Variants in ARAP1 observed in about 807,000 individuals in gnomAD.
ARAP1 encodes the protein arf-GAP with Rho-GAP domain, ANK repeat and PH domain-containing protein 1.
A neutral mutation model predicts 172.2 loss-of-function variants in ARAP1; 76 were observed. The observed-to-expected ratio is 0.44, with a 90% CI of 0.37 to 0.53. ARAP1 has a LOEUF of 0.53. Among genes scored for constraint, ARAP1 ranks in the 20% least tolerant of loss-of-function variants. ARAP1 has a pLI of 0.00. For missense variants in ARAP1, 1,686 were observed against 1,977.5 expected, an observed-to-expected ratio of 0.85 and a Z score of 2.80; for synonymous variants, 804 against 803.3, an observed-to-expected ratio of 1.00 and a Z score of -0.01.
chr11:72,722,575 G>A (rs747773670), intron 3 of ARAP1, among the ~76,000 whole-genome samples: 1 of 152,222 alleles, frequency 6.6e-6, no homozygotes, highest in African/African-American at 2.4e-5. Context: ...TCTGAAGGGC[G>A]CAAGTTCTGC....
chr11:72,710,243 G>A lies in ARAP1; in HGVS notation c.1416+142C>T. On this transcript the variant is annotated intron_variant, in intron 10 of 34. Transcript: ENST00000393609. This position sits in a 1 kb window ranked among gnomAD's most constrained non-coding sequence, Gnocchi z 4.3. Reference sequence around the variant, plus strand: ...CCTGGGGGAAGTGGTCAGAACTTGGGGGAGCGAGGACATATCCAGGCAAAG... The same window carrying A: ...CCTGGGGGAAGTGGTCAGAACTTGGAGGAGCGAGGACATATCCAGGCAAAG... 1 of 1,079,924 alleles carries A rather than the reference G, an allele frequency of 9.3e-7. No homozygotes were observed. Among genetic ancestry groups the A allele is most frequent in the Non-Finnish European group, 1.4e-6 (1 of 727,704 alleles). The allele number at this position is 1,079,924 out of a possible 1,614,324, so 66.9% of individuals were successfully genotyped here.
Position 72,694,987 on chromosome 11 carries a change from C to G in ARAP1, c.3687G>C (p.Glu1229Asp). The change falls in exon 27 of 35, where the codon GAG (glutamate) becomes GAC (aspartate). Residue 1229 changes from glutamate (E) to aspartate (D), a missense_variant. By Grantham distance (45) the Glu-to-Asp change is conservative (BLOSUM62 2). Transcript: ENST00000393609. ...AAGCCCAGCGTCACCCACCTGCCTC[C>G]TCCCTCTCGTTGACCTCAAAGCAGG... is the stretch of plus-strand genomic sequence containing the variant. ...YWTCFEVNER[E>D]EAERPLHFAE... is the part of the protein sequence containing the mutation. 2 of 1,614,000 alleles carry G rather than the reference C, an allele frequency of 1.2e-6. No individual in the cohort carries two copies. The highest frequency in any genetic ancestry group is 1.7e-6 in the Non-Finnish European group (2 of 1,179,930).
chr11:72,711,532 C>T (rs539090617), intron 7 of ARAP1, 33 bp from the exon 8 acceptor site: 27 of 1,585,300 alleles, frequency 1.7e-5, no homozygotes, highest in South Asian at 4.4e-5. Context: ...AGCAAATGAC[C>T]GGGGGTAGGA....
At chr11:72,715,072 G>A (rs1857215211) in intron 3 of ARAP1, among the ~76,000 whole-genome samples, 2 of 152,262 alleles carry the variant, frequency 1.3e-5, no homozygotes, top group Admixed American at 1.3e-4. Context: ...CTGAAGGGCT[G>A]TGGCATCAAG....
At chr11:72,687,186 T>C (rs1233714076) in intron 33 of ARAP1, 1 of 548,060 alleles carries the variant, frequency 1.8e-6, no homozygotes, top group Non-Finnish European at 3.3e-6. Flanking sequence ...CTGAGTCTGT[T>C]TTCCTGTCCA....
chr11:72,739,460 G>A (rs1858137223), intron 1 of ARAP1, among the ~76,000 whole-genome samples: 1 of 152,136 alleles, frequency 6.6e-6, no homozygotes, highest in Non-Finnish European at 1.5e-5. Flanking sequence ...CAGCTTGCTG[G>A]TGGGGAGTTG....
chr11:72,712,141 A>G, intron 7 of ARAP1, 55 bp downstream of exon 7: 1 of 1,502,846 alleles, frequency 6.7e-7, no homozygotes, highest in South Asian at 1.3e-5. Flanking sequence ...GGTCCTGGAC[A>G]CTGCCCCCCA....
intron 1 of ARAP1, among the ~76,000 whole-genome samples, chr11:72,740,808 C>T (rs1179828005): frequency 2.0e-5 from 3 of 152,126 alleles, no homozygotes; most frequent in South Asian, 2.1e-4. Context: ...TTAATAAACT[C>T]GAGACGCCAG....
At chr11:72,730,972 A>C (rs1857847853) in intron 2 of ARAP1, among the ~76,000 whole-genome samples, 1 of 152,246 alleles carries the variant, frequency 6.6e-6, no homozygotes, top group African/African-American at 2.4e-5. Context: ...ATACACTGTT[A>C]AAGGAGTAAA....
At chr11:72,703,411 G>T (rs997052121) in intron 14 of ARAP1, 2 of 173,516 alleles carry the variant, frequency 1.2e-5, no homozygotes, top group Admixed American at 5.9e-5. Flanking sequence ...GAGGAGCCGG[G>T]GGGGGGGTGT....
In ARAP1 at chr11:72,685,628, C is replaced by G. The variant is rs749722879; in HGVS notation, c.*36G>C. The G allele has an allele frequency of 2.5e-6, 4 of 1,613,966 alleles. No homozygotes were observed. The highest frequency in any genetic ancestry group is 3.4e-6 in the Non-Finnish European group (4 of 1,179,952). On this transcript the variant is annotated 3_prime_UTR_variant, in exon 35 of 35. Transcript: ENST00000393609. ...GGGTGTCTGAACAGAAGGCTTCCAG[C>G]GGCGGAATCCTAGAGCCAAGGATGG... is the stretch of plus-strand genomic sequence containing the variant.
At chr11:72,721,289 A>T (rs981168078) in intron 3 of ARAP1, among the ~76,000 whole-genome samples, 2 of 152,180 alleles carry the variant, frequency 1.3e-5, no homozygotes, top group Non-Finnish European at 2.9e-5. Flanking sequence ...CCCACACTCC[A>T]TAAGCACCCA....
At chr11:72,706,040 G>T (rs1036137572) in intron 12 of ARAP1, 150 bp from the exon 13 acceptor site, 2 of 685,550 alleles carry the variant, frequency 2.9e-6, no homozygotes, top group Non-Finnish European at 4.9e-6. Context: ...GAATCCAGCC[G>T]TGTACTCTTG....
intron 13 of ARAP1, 101 bp downstream of exon 13, chr11:72,705,704 A>C: frequency 1.6e-6 from 2 of 1,269,056 alleles, no homozygotes; most frequent in African/African-American, 3.0e-5. Context: ...TTCCAGCTCC[A>C]AGGTGCTGTG....
chr11:72,693,046 A>C lies in ARAP1; in HGVS notation c.3955-261T>G. On this transcript the variant is annotated intron_variant, in intron 29 of 34. Coordinates refer to ENST00000393609, the MANE Select transcript of ARAP1 (RefSeq NM_001040118.3). The surrounding 1 kb of genome is among the most constrained non-coding windows in gnomAD (Gnocchi z 4.6). ...GTCATCAAGTAACAGGTTCCTGTGG[A>C]TGCAGTGATAAGGCACAGGCACAGT... is the stretch of plus-strand genomic sequence containing the variant. The C allele has an allele frequency of 1.6e-6, 1 of 641,708 alleles. No homozygotes were observed. The highest frequency in any genetic ancestry group is 2.7e-6 in the Non-Finnish European group (1 of 367,198). The allele number at this position is 641,708 out of a possible 1,614,324, so 39.8% of individuals were successfully genotyped here.
In ARAP1 at chr11:72,712,245, CG is replaced by C; in HGVS notation, c.972del (p.Val325SerfsTer26). On this transcript the variant is annotated frameshift_variant, in exon 7 of 35. Coordinates refer to ENST00000393609, the MANE Select transcript of ARAP1 (RefSeq NM_001040118.3). LOFTEE classifies it high-confidence loss of function. ...CAGCCAGCCTTGATGACTGGTGTGA[CG>C]GGGGTGGAGCCCCCAGGCGGCCCGT... Reference protein sequence around the residue: ...PMDGPPGGSTPVTPVIKAGWL... With the variant: ...PMDGPPGGSTXVTPVIKAGWL... 1 of 1,607,600 alleles carries C rather than the reference CG, an allele frequency of 6.2e-7. No homozygotes were observed. The highest frequency in any genetic ancestry group is 1.7e-5 in the Admixed American group (1 of 59,308).
intron 1 of ARAP1, among the ~76,000 whole-genome samples, chr11:72,750,740 G>A (rs1858508704): frequency 6.6e-6 from 1 of 151,302 alleles, no homozygotes; most frequent in East Asian, 1.9e-4. Context: ...ATTGGTGGCT[G>A]CACAAGGACT....
chr11:72,693,679 A>G lies in ARAP1; in HGVS notation c.3808+13T>C. On this transcript the variant is annotated intron_variant, in intron 28 of 34. Transcript: ENST00000393609. The surrounding 1 kb of genome is among the most constrained non-coding windows in gnomAD (Gnocchi z 4.6). ...ACCACCCGGAGCCTGGCCACCCTGC[A>G]GGCACCACCTACCCAGGTACAGCAG... 2 of 1,593,528 alleles carry G rather than the reference A, an allele frequency of 1.3e-6. No homozygotes were observed. Among genetic ancestry groups the G allele is most frequent in the East Asian group, 2.3e-5 (1 of 43,748 alleles).
In ARAP1 at chr11:72,710,634, C is replaced by A; in HGVS notation, c.1214-47G>T. 2 of 1,538,526 alleles carry A rather than the reference C, an allele frequency of 1.3e-6. No homozygotes were observed. The highest frequency in any genetic ancestry group is 2.3e-5 in the South Asian group (2 of 86,170). ...GTAAGCCCAAGGTTGCAGGGAGCCCCTCAGGGGTCTCCTGGCCCTAGGCTC... is the reference window on the plus strand; with the variant it reads ...GTAAGCCCAAGGTTGCAGGGAGCCCATCAGGGGTCTCCTGGCCCTAGGCTC... On this transcript the variant is annotated intron_variant, in intron 9 of 34. Transcript: ENST00000393609. The surrounding 1 kb of genome is among the most constrained non-coding windows in gnomAD (Gnocchi z 4.3).
Sources: allele counts gnomAD v4.1 joint callset (sites outside exome capture counted in the v4.1 genomes callset), GRCh38; gene constraint gnomAD v4.1.1; non-coding constraint Gnocchi (gnomAD v3.1); transcripts MANE v1.5; gene names NCBI Gene and HGNC (gene_info 2026-07-23, HGNC 2026-07-21).